The following DLEU7 variants were observed in gnomAD, a reference collection of about 807,000 sequenced individuals.
DLEU7 encodes the protein leukemia-associated protein 7.
In DLEU7, 17 loss-of-function variants were observed where a neutral mutation model predicts 16.0. The ratio of observed to expected loss-of-function variants is 1.06; its 90% CI spans 0.73 to 1.59. DLEU7 has a LOEUF of 1.59. Among genes scored for constraint, DLEU7 ranks in the 40% most tolerant of loss-of-function variants. DLEU7 has a pLI of 0.00. For missense variants in DLEU7, 308 were observed against 314.9 expected (o/e 0.98, Z 0.17); for synonymous variants, 113 against 139.8 (o/e 0.81, Z 1.35).
At chr13:50,770,887 C>A (rs759508369) in intron 1 of DLEU7, among the ~76,000 whole-genome samples, 1 of 152,170 alleles carries the variant, frequency 6.6e-6, no homozygotes, top group African/African-American at 2.4e-5. Flanking sequence ...GGCTGTGAAT[C>A]CGTCTGGTCC....
At chr13:50,711,779 G>GGGGGGGGCAGC (rs1555287138), downstream of DLEU7, 3 of 135,682 alleles carry the variant, frequency 2.2e-5, no homozygotes, top group African/African-American at 9.4e-5. Context: ...TGGCGGGGGC[G>GGGGGGGGCAGC]GGGGGCATTA....
intron 1 of DLEU7, among the ~76,000 whole-genome samples, chr13:50,770,143 G>A (rs1470132293): frequency 6.6e-6 from 1 of 152,190 alleles, no homozygotes; most frequent in Non-Finnish European, 1.5e-5. Context: ...CTTTGCTGAA[G>A]TTGCTTATCA....
chr13:50,803,705 T>C (rs1433914840), intron 1 of DLEU7, among the ~76,000 whole-genome samples: 2 of 152,114 alleles, frequency 1.3e-5, no homozygotes, highest in Non-Finnish European at 2.9e-5. Context: ...AGAAAAAAGG[T>C]GATGCATTTC....
Position 50,772,183 on chromosome 13 carries a change from A to G in DLEU7, c.460-58943T>C, listed in dbSNP as rs1321553371. The stretch of plus-strand genomic sequence containing the variant: ...TCTCTGCACATGAGATGGGTCTCCT[A>G]AATACAGCACACTGATGGGTCTTGA... On this transcript the variant is annotated intron_variant, in intron 1 of 1. Transcript: ENST00000400393. Among the ~76,000 whole-genome samples, 9 of 152,220 alleles carry G rather than the reference A, an allele frequency of 5.9e-5. No homozygotes were observed. In the South Asian group the frequency reaches 1.5e-3, roughly 25 times the overall value.
At chr13:50,828,657 C>T (rs1877168019) in intron 1 of DLEU7, among the ~76,000 whole-genome samples, 1 of 152,098 alleles carries the variant, frequency 6.6e-6, no homozygotes, top group South Asian at 2.1e-4. Context: ...TGATGAGGGA[C>T]CAGAGTTTCC....
intron 1 of DLEU7, among the ~76,000 whole-genome samples, chr13:50,795,229 T>G (rs1032078559): frequency 6.6e-6 from 1 of 152,118 alleles, no homozygotes; most frequent in African/African-American, 2.4e-5. Context: ...GGGTCATATA[T>G]TTTTTTCAGC....
intron 1 of DLEU7, among the ~76,000 whole-genome samples, chr13:50,773,302 G>C (rs1875386501): frequency 6.6e-6 from 1 of 152,224 alleles, no homozygotes; most frequent in East Asian, 1.9e-4. Flanking sequence ...ATCCAGCTTT[G>C]TTCCATTGCT....
chr13:50,743,473 T>A (rs1261873556), intron 1 of DLEU7, among the ~76,000 whole-genome samples: 1 of 152,196 alleles, frequency 6.6e-6, no homozygotes, highest in Non-Finnish European at 1.5e-5. Context: ...AGCTGTTAGG[T>A]CTTGAGCATG....
chr13:50,768,267 A>AT (rs888199021), intron 1 of DLEU7, among the ~76,000 whole-genome samples: 1 of 151,316 alleles, frequency 6.6e-6, no homozygotes, highest in Non-Finnish European at 1.5e-5. Context: ...TCAAGTTGGT[A>AT]TTTTTTTCAT....
intron 1 of DLEU7, among the ~76,000 whole-genome samples, chr13:50,812,600 C>T (rs1876602983): frequency 1.3e-5 from 2 of 152,210 alleles, no homozygotes; most frequent in South Asian, 4.1e-4. Flanking sequence ...ACAGCCCCTA[C>T]CACAGTTATG....
At chr13:50,824,249 T>C (rs1461136130) in intron 1 of DLEU7, among the ~76,000 whole-genome samples, 1 of 152,190 alleles carries the variant, frequency 6.6e-6, no homozygotes, top group Non-Finnish European at 1.5e-5. Context: ...AATTCTATAT[T>C]TTTAATCCCT....
chr13:50,731,593 C>T (rs1873913557), intron 1 of DLEU7, among the ~76,000 whole-genome samples: 1 of 152,158 alleles, frequency 6.6e-6, no homozygotes, highest in Non-Finnish European at 1.5e-5. Context: ...GAGCTTTCTT[C>T]TAAAAACCTC....
At chr13:50,842,818 T>C (rs1593421116) in intron 1 of DLEU7, among the ~76,000 whole-genome samples, 1 of 152,270 alleles carries the variant, frequency 6.6e-6, no homozygotes, top group African/African-American at 2.4e-5. Flanking sequence ...GAAGCGTTAT[T>C]AATTTGGAAA....
At chr13:50,825,423 A>G (rs1877053293) in intron 1 of DLEU7, among the ~76,000 whole-genome samples, 1 of 152,184 alleles carries the variant, frequency 6.6e-6, no homozygotes, top group Non-Finnish European at 1.5e-5. Flanking sequence ...TGGCTGGCAT[A>G]TAGTAGATGG....
intron 1 of DLEU7, among the ~76,000 whole-genome samples, chr13:50,729,122 C>A (rs1483833117): frequency 6.6e-6 from 1 of 152,024 alleles, no homozygotes; most frequent in Non-Finnish European, 1.5e-5. Context: ...ATTTAATCAC[C>A]CATGTATTAA....
At chr13:50,777,411 A>G (rs1245805141) in intron 1 of DLEU7, among the ~76,000 whole-genome samples, 1 of 152,088 alleles carries the variant, frequency 6.6e-6, no homozygotes, top group Non-Finnish European at 1.5e-5. Context: ...TAGCCTCCCA[A>G]CCTACATCTT....
chr13:50,740,733 T>C (rs1482744231), intron 1 of DLEU7, among the ~76,000 whole-genome samples: 1 of 152,176 alleles, frequency 6.6e-6, no homozygotes, highest in Non-Finnish European at 1.5e-5. Flanking sequence ...CTTTCACAGA[T>C]GCAAACAAAT....
chr13:50,759,172 C>G (rs1874851194), intron 1 of DLEU7, among the ~76,000 whole-genome samples: 1 of 152,176 alleles, frequency 6.6e-6, no homozygotes, highest in Non-Finnish European at 1.5e-5. Flanking sequence ...CTTTTCCACT[C>G]CCCCCATATA....
Position 50,843,678 on chromosome 13 carries a change from T to G in DLEU7, c.-32A>C. ...CGCTGGCGGCCCGGCGCGCTCCGCG[T>G]GCAGGTGGAGCAGCAGCGAGGGAGG... On this transcript the variant is annotated 5_prime_UTR_variant, in exon 1 of 2. Transcript: ENST00000504404. This position sits in a 1 kb window ranked among gnomAD's most constrained non-coding sequence, Gnocchi z 5.7. 1 of 1,498,676 alleles carries G rather than the reference T, an allele frequency of 6.7e-7. No homozygotes were observed. Among genetic ancestry groups the G allele is most frequent in the Non-Finnish European group, 8.8e-7 (1 of 1,131,842 alleles). 92.8% of individuals were successfully genotyped at this position (1,498,676 alleles called of 1,614,324 possible). A position where few individuals can be genotyped will look rare whatever the true frequency, so the allele number is the denominator to read the frequency against.
Sources: allele counts gnomAD v4.1 joint callset (sites outside exome capture counted in the v4.1 genomes callset), GRCh38; gene constraint gnomAD v4.1.1; non-coding constraint Gnocchi (gnomAD v3.1); transcripts MANE v1.5; gene names NCBI Gene and HGNC (gene_info 2026-07-23, HGNC 2026-07-21).